The following KLHL1 variants were observed in gnomAD, a reference collection of about 807,000 sequenced individuals.
KLHL1 encodes kelch like family member 1.
Under a neutral mutation model 77.7 loss-of-function variants are expected in KLHL1, and 47 were observed. The observed-to-expected ratio is 0.60, with a 90% CI of 0.48 to 0.77. The LOEUF (loss-of-function observed/expected upper bound fraction) is 0.77. KLHL1 is among the 30% of genes least tolerant of loss of function. The probability of loss-of-function intolerance (pLI) is 0.00; values close to 1 mark genes in which losing one functional copy is unlikely to be tolerated. For synonymous variants in KLHL1, 360 were observed against 325.2 expected, an observed-to-expected ratio of 1.11 and a Z score of -1.15; for missense variants, 925 against 910.8, an observed-to-expected ratio of 1.02 and a Z score of -0.20.
chr13:69,915,961 T>G (rs1415301103), intron 4 of KLHL1, among the ~76,000 whole-genome samples: 2 of 152,106 alleles, frequency 1.3e-5, no homozygotes, highest in Non-Finnish European at 2.9e-5. Context: ...CTCGAAGACA[T>G]TTATGCAGCC....
At chr13:69,997,902 G>A (rs955327168) in intron 1 of KLHL1, among the ~76,000 whole-genome samples, 5 of 151,142 alleles carry the variant, frequency 3.3e-5, no homozygotes, top group African/African-American at 9.7e-5. Flanking sequence ...GAAAATAATA[G>A]TGCAATAAAC....
intron 10 of KLHL1, among the ~76,000 whole-genome samples, chr13:69,704,270 A>G (rs1875530316): frequency 6.6e-6 from 1 of 151,712 alleles, no homozygotes; most frequent in African/African-American, 2.4e-5. Flanking sequence ...TGTTCAAGAT[A>G]GAATCCTTGA....
intron 1 of KLHL1, among the ~76,000 whole-genome samples, chr13:70,055,210 A>C (rs1460362324): frequency 2.6e-5 from 4 of 152,136 alleles, no homozygotes; most frequent in Non-Finnish European, 5.9e-5. Context: ...GCTGCAATAC[A>C]TCCGGCAGCT....
chr13:70,080,861 A>G (rs1316928946), intron 1 of KLHL1, among the ~76,000 whole-genome samples: 1 of 152,058 alleles, frequency 6.6e-6, no homozygotes, highest in Admixed American at 6.6e-5. Context: ...TCAGCCTCCC[A>G]AAGTGCTGGG....
At chr13:69,871,544 T>G (rs189773514) in intron 5 of KLHL1, among the ~76,000 whole-genome samples, 1 of 152,134 alleles carries the variant, frequency 6.6e-6, no homozygotes, top group Non-Finnish European at 1.5e-5. Flanking sequence ...GTTTCCCTTT[T>G]TACTATAAAT....
At chr13:69,838,702 A>G (rs535676645) in intron 6 of KLHL1, among the ~76,000 whole-genome samples, 2 of 151,990 alleles carry the variant, frequency 1.3e-5, no homozygotes, top group East Asian at 3.9e-4. Context: ...AATATATCCA[A>G]CAAATTGTTT....
At chr13:69,892,760 G>A (rs572750998) in intron 4 of KLHL1, among the ~76,000 whole-genome samples, 1 of 152,156 alleles carries the variant, frequency 6.6e-6, no homozygotes, top group Non-Finnish European at 1.5e-5. Flanking sequence ...GGGATAAAAA[G>A]TATGTGTAGA....
intron 4 of KLHL1, among the ~76,000 whole-genome samples, chr13:69,925,498 A>G (rs1242010526): frequency 2.6e-5 from 4 of 152,162 alleles, no homozygotes; most frequent in African/African-American, 9.7e-5. Flanking sequence ...AGCTCTTATA[A>G]ATAAGACACA....
intron 1 of KLHL1, among the ~76,000 whole-genome samples, chr13:70,062,564 C>T (rs1161879915): frequency 6.6e-6 from 1 of 152,142 alleles, no homozygotes; most frequent in African/African-American, 2.4e-5. Context: ...ACATTCTGCA[C>T]ATGTACCCCA....
chr13:69,744,484 A>T (rs1012820946), intron 7 of KLHL1, among the ~76,000 whole-genome samples: 2 of 150,196 alleles, frequency 1.3e-5, no homozygotes, highest in Admixed American at 6.7e-5. Flanking sequence ...GTTTCAAAGT[A>T]TAATATATAT....
At chr13:69,858,344 T>G (rs1880004321) in intron 5 of KLHL1, among the ~76,000 whole-genome samples, 2 of 152,134 alleles carry the variant, frequency 1.3e-5, no homozygotes, top group South Asian at 4.1e-4. Context: ...TCCAGTTTAA[T>G]GAAAGACATA....
At chr13:69,824,798 TG>T (rs1253892458) in intron 6 of KLHL1, among the ~76,000 whole-genome samples, 1 of 152,112 alleles carries the variant, frequency 6.6e-6, no homozygotes, top group Non-Finnish European at 1.5e-5. Context: ...TCTGGGGTAG[TG>T]GCAATGCTCT....
chr13:70,032,048 A>G (rs575921072), intron 1 of KLHL1, among the ~76,000 whole-genome samples: 1 of 152,294 alleles, frequency 6.6e-6, no homozygotes, highest in African/African-American at 2.4e-5. Context: ...GCAAGTCAAT[A>G]ATTTACCTTT....
chr13:69,841,940 A>G (rs1726147340), intron 5 of KLHL1, among the ~76,000 whole-genome samples: 1 of 151,940 alleles, frequency 6.6e-6, no homozygotes, highest in African/African-American at 2.4e-5. Flanking sequence ...CACTTGGGAA[A>G]GGACACCCTC....
intron 5 of KLHL1, among the ~76,000 whole-genome samples, chr13:69,852,920 A>G (rs1403438217): frequency 6.6e-6 from 1 of 152,134 alleles, no homozygotes; most frequent in Admixed American, 6.6e-5. Context: ...TAGAATTTAG[A>G]ATGTGTCAAA....
intron 7 of KLHL1, among the ~76,000 whole-genome samples, chr13:69,758,446 AAAC>A (rs1178169021): frequency 1.3e-5 from 2 of 152,004 alleles, no homozygotes; most frequent in African/African-American, 4.8e-5. Flanking sequence ...CTTCATTTTG[AAAC>A]AACATTTAAA....
intron 10 of KLHL1, among the ~76,000 whole-genome samples, chr13:69,705,578 C>T (rs1200797876): frequency 1.3e-5 from 2 of 151,694 alleles, no homozygotes; most frequent in East Asian, 3.9e-4. Flanking sequence ...AGGCTAGAAT[C>T]CTGAAAATTT....
chr13:69,996,194 T>G (rs2137319337), intron 1 of KLHL1, among the ~76,000 whole-genome samples: 1 of 152,012 alleles, frequency 6.6e-6, no homozygotes, highest in African/African-American at 2.4e-5. Context: ...TCCCAGCTAC[T>G]CAGGAGGCTG....
At chr13:69,778,748 G>A (rs1004622466) in intron 7 of KLHL1, among the ~76,000 whole-genome samples, 3 of 142,310 alleles carry the variant, frequency 2.1e-5, no homozygotes, top group African/African-American at 7.8e-5. Context: ...TAAAACTAGT[G>A]TTTATATCTA....
Sources: gnomAD v4.1 joint callset for allele counts (sites outside exome capture counted in the v4.1 genomes callset) on GRCh38, gnomAD v4.1.1 for gene constraint, MANE v1.5 for transcripts, NCBI Gene and HGNC (gene_info 2026-07-23, HGNC 2026-07-21) for gene names.